ATF7IP: variants seen among roughly 807,000 people sequenced by gnomAD.
The protein encoded by ATF7IP is activating transcription factor 7-interacting protein 1.
In ATF7IP, 23 loss-of-function variants were observed where a neutral mutation model predicts 106.4. The observed-to-expected ratio is 0.22, with a 90% CI of 0.16 to 0.31. The LOEUF (loss-of-function observed/expected upper bound fraction) is 0.31, where lower values mean the gene tolerates loss of function less well. Ranked by LOEUF, ATF7IP falls within the 10% of genes least tolerant of loss-of-function variation. The pLI, the probability that ATF7IP is intolerant of heterozygous loss-of-function variation, is 1.00. For synonymous variants in ATF7IP, 542 were observed against 539.0 expected (o/e 1.01, Z -0.08); for missense variants, 1,334 against 1,524.3 (o/e 0.88, Z 2.08).
chr12:14,399,248 A>G (rs1343838459), intron 1 of ATF7IP, among the ~76,000 whole-genome samples: 6 of 152,084 alleles, frequency 3.9e-5, no homozygotes, highest in Non-Finnish European at 8.8e-5. Context: ...CAGAAGTAAT[A>G]TATTTATTTC....
At chr12:14,481,906 C>A (rs1944441958) in intron 13 of ATF7IP, 1 of 145,008 alleles carries the variant, frequency 6.9e-6, no homozygotes, top group Non-Finnish European at 1.5e-5. Context: ...TTGTATATAT[C>A]ATATATTAGT....
chr12:14,478,074 A>T (rs1944315036), intron 11 of ATF7IP, among the ~76,000 whole-genome samples: 1 of 152,208 alleles, frequency 6.6e-6, no homozygotes, highest in Non-Finnish European at 1.5e-5. Flanking sequence ...AAGTAAGATT[A>T]TTTCTGAATT....
intron 9 of ATF7IP, among the ~76,000 whole-genome samples, chr12:14,463,683 T>A (rs964285487): frequency 6.6e-6 from 1 of 152,200 alleles, no homozygotes; most frequent in East Asian, 1.9e-4. Flanking sequence ...GGTTACAGTA[T>A]GGAGAATGGT....
chr12:14,454,406 C>T (rs548295014), intron 6 of ATF7IP, among the ~76,000 whole-genome samples: 145 of 152,274 alleles, frequency 9.5e-4, no homozygotes, highest in African/African-American at 3.3e-3. Context: ...CACAGGCATC[C>T]GAAGTGCCAT....
At chr12:14,414,264 G>T (rs1255619445) in intron 1 of ATF7IP, among the ~76,000 whole-genome samples, 1 of 152,138 alleles carries the variant, frequency 6.6e-6, no homozygotes, top group African/African-American at 2.4e-5. Context: ...GTTTCCCCTT[G>T]GGAGGTTTTT....
At chr12:14,377,355 C>A (rs1938789338) in intron 1 of ATF7IP, among the ~76,000 whole-genome samples, 3 of 142,934 alleles carry the variant, frequency 2.1e-5, no homozygotes, top group African/African-American at 7.9e-5. Flanking sequence ...TTGATTTATC[C>A]AATTTTTTTT....
intron 1 of ATF7IP, chr12:14,367,536 T>G (rs1235095628): frequency 6.6e-6 from 1 of 152,094 alleles, no homozygotes; most frequent in Non-Finnish European, 1.5e-5. Flanking sequence ...ATTTTCGAGT[T>G]GAACATACAC....
intron 1 of ATF7IP, among the ~76,000 whole-genome samples, chr12:14,372,349 G>C (rs1049254021): frequency 1.3e-5 from 2 of 151,780 alleles, no homozygotes; most frequent in African/African-American, 4.8e-5. Context: ...AGAATAAGTA[G>C]ATCAGGGCTA....
chr12:14,455,182 CA>C (rs71438317), intron 6 of ATF7IP, among the ~76,000 whole-genome samples: 9,167 of 89,478 alleles, frequency 0.1, 259 homozygotes, highest in Non-Finnish European at 0.12. Flanking sequence ...GACTCTATCT[CA>C]AAAAAAAAAA....
chr12:14,473,806 G>T lies in ATF7IP; in HGVS notation c.2863-2084G>T, dbSNP rs574241434. Among the ~76,000 whole-genome samples the T allele has an allele frequency of 3.4e-5, 5 of 146,338 alleles. No individual in the cohort carries two copies. The East Asian group carries it at 9.9e-4, about 29-fold the overall frequency. On this transcript the variant is annotated intron_variant, in intron 10 of 14. Transcript: ENST00000261168. ...ATCATTGGATATAGAATTCTTAAAGGTTTTTTTTTTTTTAAATTATCGGCA... is the reference window on the plus strand; with the variant it reads ...ATCATTGGATATAGAATTCTTAAAGTTTTTTTTTTTTTTAAATTATCGGCA...
intron 2 of ATF7IP, 74 bp from the exon 3 acceptor site, chr12:14,434,263 A>G: frequency 1.1e-6 from 1 of 939,636 alleles, no homozygotes. Flanking sequence ...CTGGATAGTG[A>G]CTAAAAATGT....
intron 1 of ATF7IP, chr12:14,416,991 G>A: frequency 1.0e-6 from 1 of 975,044 alleles, no homozygotes. Flanking sequence ...AGGAAGGGGG[G>A]AAATGAGGTT....
intron 13 of ATF7IP, among the ~76,000 whole-genome samples, chr12:14,493,995 T>C (rs1944914167): frequency 6.6e-6 from 1 of 151,974 alleles, no homozygotes; most frequent in Non-Finnish European, 1.5e-5. Context: ...GTCCAAGGTA[T>C]TATGTATAGA....
chr12:14,410,361 G>A (rs2136496286), intron 1 of ATF7IP, among the ~76,000 whole-genome samples: 1 of 152,216 alleles, frequency 6.6e-6, no homozygotes, highest in East Asian at 1.9e-4. Flanking sequence ...CCATCCCTTT[G>A]TCCAGTATGT....
At chr12:14,477,141 T>TA (rs1944288310) in intron 11 of ATF7IP, among the ~76,000 whole-genome samples, 2 of 152,222 alleles carry the variant, frequency 1.3e-5, no homozygotes, top group South Asian at 4.1e-4. Flanking sequence ...TGTGCTGAGT[T>TA]ACTTCTTATT....
In ATF7IP at chr12:14,400,920, T is replaced by G. The variant is rs150422917; in HGVS notation, c.-7-22989T>G. Among the ~76,000 whole-genome samples, 473 of 152,332 alleles carry G rather than the reference T, an allele frequency of 3.1e-3. 3 individuals are homozygous for G. Among genetic ancestry groups the G allele is most frequent in the Admixed American group, 3.7e-3 (56 of 15,308 alleles). ...ATGCCTTTTCTTGTATATGTTGTTT[T>G]ATGAATTGCCTGCTCACGTTTCTGT... On this transcript the variant is annotated intron_variant, in intron 1 of 14. Coordinates refer to ENST00000261168, the MANE Select transcript of ATF7IP (RefSeq NM_018179.5).
At chr12:14,451,720 A>C (rs746724638) in intron 6 of ATF7IP, among the ~76,000 whole-genome samples, 1 of 152,024 alleles carries the variant, frequency 6.6e-6, no homozygotes, top group Non-Finnish European at 1.5e-5. Context: ...TTGTCAGAAA[A>C]GATACTTGGT....
At chr12:14,404,250 G>A (rs554385408) in intron 1 of ATF7IP, among the ~76,000 whole-genome samples, 3 of 150,906 alleles carry the variant, frequency 2.0e-5, no homozygotes, top group South Asian at 4.2e-4. Flanking sequence ...TCCATATATT[G>A]TATTACTGCT....
intron 5 of ATF7IP, among the ~76,000 whole-genome samples, chr12:14,439,016 G>A (rs1036308085): frequency 1.3e-5 from 2 of 152,060 alleles, no homozygotes; most frequent in Non-Finnish European, 2.9e-5. Flanking sequence ...TTTTAAAGAT[G>A]TTAGTTTAAT....
Sources: allele counts gnomAD v4.1 joint callset (sites outside exome capture counted in the v4.1 genomes callset), GRCh38; gene constraint gnomAD v4.1.1; transcripts MANE v1.5; gene names NCBI Gene and HGNC (gene_info 2026-07-23, HGNC 2026-07-21).